Variants in VPS50 observed in about 807,000 individuals in gnomAD.
VPS50 encodes VPS50 subunit of EARP/GARPII complex.
A neutral mutation model predicts 139.7 loss-of-function variants in VPS50; 70 were observed. The ratio of observed to expected loss-of-function variants is 0.50; its 90% CI spans 0.41 to 0.61. The LOEUF (loss-of-function observed/expected upper bound fraction) is 0.61. VPS50 is among the 20% of genes least tolerant of loss of function. VPS50 has a pLI of 0.00. For synonymous variants in VPS50, 365 were observed against 376.7 expected (o/e 0.97, Z 0.36); for missense variants, 921 against 1,133.7 (o/e 0.81, Z 2.69).
chr7:93,335,748 T>C (rs1398816009), intron 22 of VPS50, among the ~76,000 whole-genome samples: 2 of 152,160 alleles, frequency 1.3e-5, no homozygotes, highest in Non-Finnish European at 2.9e-5. Context: ...AAAGTTTTTC[T>C]TGGTTCTTAC....
chr7:93,239,737 A>G (rs1031771418), intron 1 of VPS50, 129 bp from the exon 2 acceptor site: 2 of 550,232 alleles, frequency 3.6e-6, no homozygotes, highest in Non-Finnish European at 3.3e-6. Flanking sequence ...TTTAGAATAT[A>G]TCTTCCATAT....
chr7:93,239,768 A>G (rs758828138), intron 1 of VPS50, 98 bp from the exon 2 acceptor site: 13 of 677,480 alleles, frequency 1.9e-5, no homozygotes, highest in African/African-American at 1.3e-4. Context: ...GAAAATTTCT[A>G]TTTTTAAAGT....
In VPS50 at chr7:93,328,411, G is replaced by T. The variant is rs561994376; in HGVS notation, c.1977+4679G>T. Among the ~76,000 whole-genome samples the T allele has an allele frequency of 2.8e-3, 428 of 152,252 alleles. 1 individual carries two copies. Among genetic ancestry groups the T allele is most frequent in the Non-Finnish European group, 4.6e-3 (312 of 68,006 alleles). ...CTTTCATTAGTAAAACGGTTTCTTT[G>T]TAGAGAGCCTATATAAATAGGTATC... On this transcript the variant is annotated intron_variant, in intron 21 of 27. Coordinates refer to ENST00000305866, the MANE Select transcript of VPS50 (RefSeq NM_017667.4).
At chr7:93,284,172 A>G (rs1430336493) in intron 12 of VPS50, among the ~76,000 whole-genome samples, 1 of 152,176 alleles carries the variant, frequency 6.6e-6, no homozygotes, top group Non-Finnish European at 1.5e-5. Flanking sequence ...GCAGAAAGAA[A>G]AAATAATTTA....
At chr7:93,268,784 CAT>C (rs999818561) in intron 9 of VPS50, among the ~76,000 whole-genome samples, 1 of 151,984 alleles carries the variant, frequency 6.6e-6, no homozygotes, top group Non-Finnish European at 1.5e-5. Flanking sequence ...TTGCTATTCA[CAT>C]GTCTTTGTTA....
Position 93,271,214 on chromosome 7 carries a change from T to TA in VPS50, c.660-4dup, listed in dbSNP as rs1440405759. The TA allele has an allele frequency of 5.1e-6, 8 of 1,566,960 alleles. No homozygotes were observed. Among genetic ancestry groups the TA allele is most frequent in the Non-Finnish European group, 6.9e-6 (8 of 1,162,770 alleles). On this transcript the variant is annotated splice_polypyrimidine_tract_variant and splice_region_variant and intron_variant, in intron 9 of 27. Transcript: ENST00000305866. ...AGAAAAAAACTGTTTTTTTTTTTTTTAATAGTGAACTGAATTCAAAGCTGC... is the reference window on the plus strand; with the variant it reads ...AGAAAAAAACTGTTTTTTTTTTTTTTAAATAGTGAACTGAATTCAAAGCTGC...
At chr7:93,289,299 G>C (rs1004874862) in intron 12 of VPS50, among the ~76,000 whole-genome samples, 3 of 151,944 alleles carry the variant, frequency 2.0e-5, no homozygotes, top group Non-Finnish European at 4.4e-5. Flanking sequence ...GTGTTGAAGG[G>C]CCATTTTTGT....
chr7:93,317,424 C>G (rs1018333829), intron 20 of VPS50, among the ~76,000 whole-genome samples: 2 of 152,106 alleles, frequency 1.3e-5, no homozygotes, highest in African/African-American at 4.8e-5. Context: ...GTGGGGCACT[C>G]CTGTAATCCC....
At chr7:93,336,096 A>G (rs1297614676) in intron 22 of VPS50, among the ~76,000 whole-genome samples, 1 of 152,210 alleles carries the variant, frequency 6.6e-6, no homozygotes, top group Non-Finnish European at 1.5e-5. Context: ...CTTGCTACTC[A>G]ATACATTCTT....
intron 12 of VPS50, among the ~76,000 whole-genome samples, chr7:93,278,458 G>A (rs779515084): frequency 9.6e-4 from 145 of 150,516 alleles, no homozygotes; most frequent in Non-Finnish European, 1.6e-3. Flanking sequence ...TTAGCTGGGT[G>A]TAGTGGCGCA....
intron 12 of VPS50, among the ~76,000 whole-genome samples, chr7:93,280,833 C>G (rs1443200849): frequency 6.6e-6 from 1 of 151,682 alleles, no homozygotes; most frequent in Non-Finnish European, 1.5e-5. Context: ...GCTTTGAGTT[C>G]TGTTTTTATG....
intron 12 of VPS50, among the ~76,000 whole-genome samples, chr7:93,283,424 C>T (rs568867450): frequency 2.8e-4 from 43 of 151,860 alleles, no homozygotes; most frequent in Admixed American, 5.3e-4. Context: ...TGATTAGAGA[C>T]GAGGTTTCAC....
intron 22 of VPS50, among the ~76,000 whole-genome samples, chr7:93,339,962 C>T (rs1485946591): frequency 6.6e-6 from 1 of 151,952 alleles, no homozygotes; most frequent in African/African-American, 2.4e-5. Flanking sequence ...ATTGCCATGT[C>T]AGTACTGTAA....
intron 12 of VPS50, among the ~76,000 whole-genome samples, chr7:93,283,676 T>A (rs928203111): frequency 1.3e-5 from 2 of 152,206 alleles, no homozygotes; most frequent in African/African-American, 4.8e-5. Context: ...AAAGGTCAAA[T>A]GGCATAAAGT....
At chr7:93,321,706 A>AT (rs1338664520) in intron 20 of VPS50, among the ~76,000 whole-genome samples, 1 of 152,104 alleles carries the variant, frequency 6.6e-6, no homozygotes, top group Admixed American at 6.5e-5. Context: ...TTAATAATCG[A>AT]TTTTTATATC....
chr7:93,284,724 TCTAGGAGATTTGCTTTAACC>T (rs1796432324), intron 12 of VPS50, among the ~76,000 whole-genome samples: 1 of 152,206 alleles, frequency 6.6e-6, no homozygotes, highest in Non-Finnish European at 1.5e-5. Context: ...TCAGAGGGAC[TCTAGGAGATTTGCTTTAACC>T]CTTGGGGTTT....
intron 20 of VPS50, among the ~76,000 whole-genome samples, chr7:93,322,788 A>G (rs1280463292): frequency 6.6e-6 from 1 of 152,156 alleles, no homozygotes; most frequent in African/African-American, 2.4e-5. Context: ...TCCCACAAAA[A>G]AGAGACAGAA....
At chr7:93,296,065 T>A (rs1011643332) in intron 14 of VPS50, among the ~76,000 whole-genome samples, 1 of 152,182 alleles carries the variant, frequency 6.6e-6, no homozygotes, top group African/African-American at 2.4e-5. Flanking sequence ...AAAAATTGTT[T>A]AGGAAAATAT....
At chr7:93,320,304 AG>A (rs1444708810) in intron 20 of VPS50, 1 of 147,374 alleles carries the variant, frequency 6.8e-6, no homozygotes, top group Non-Finnish European at 1.5e-5. Context: ...TTTTTTTTTA[AG>A]TTCGTTTGCC....
Sources: allele counts gnomAD v4.1 joint callset (sites outside exome capture counted in the v4.1 genomes callset), GRCh38; gene constraint gnomAD v4.1.1; transcripts MANE v1.5; gene names NCBI Gene and HGNC (gene_info 2026-07-23, HGNC 2026-07-21).